CHSY1: variants seen among roughly 807,000 people sequenced by gnomAD.
CHSY1 encodes N-acetylgalactosaminyl-proteoglycan 3-beta-glucuronosyltransferase 1.
A neutral mutation model predicts 59.8 loss-of-function variants in CHSY1; 13 were observed. That is an observed-to-expected ratio of 0.22 (90% confidence interval 0.14 to 0.35). The LOEUF (loss-of-function observed/expected upper bound fraction) is 0.35. Ranked by LOEUF, CHSY1 falls within the 10% of genes least tolerant of loss-of-function variation. The pLI, the probability that CHSY1 is intolerant of heterozygous loss-of-function variation, is 1.00. For missense variants in CHSY1, 947 were observed against 1,030.6 expected (o/e 0.92, Z 1.11); for synonymous variants, 459 against 401.2 (o/e 1.14, Z -1.72).
intron 2 of CHSY1, among the ~76,000 whole-genome samples, chr15:101,232,511 G>A (rs780697396): frequency 3.3e-5 from 5 of 152,172 alleles, no homozygotes; most frequent in Non-Finnish European, 4.4e-5. Flanking sequence ...AACTACACGT[G>A]AAAGGGAACA....
intron 1 of CHSY1, among the ~76,000 whole-genome samples, chr15:101,242,822 A>G (rs1309018268): frequency 6.6e-6 from 1 of 152,164 alleles, no homozygotes; most frequent in Non-Finnish European, 1.5e-5. Context: ...ACTTCTGTGC[A>G]TGTGGTTTCC....
intron 2 of CHSY1, among the ~76,000 whole-genome samples, chr15:101,213,614 C>T (rs1489004361): frequency 6.6e-6 from 1 of 152,160 alleles, no homozygotes; most frequent in African/African-American, 2.4e-5. Context: ...CAAATGTATT[C>T]CACACAATAG....
At chr15:101,235,622 C>A in intron 1 of CHSY1, 45 bp from the exon 2 acceptor site, 1 of 1,592,520 alleles carries the variant, frequency 6.3e-7, no homozygotes, top group Non-Finnish European at 8.5e-7. Flanking sequence ...TTATTCCAAG[C>A]TGATTTTCAG....
intron 2 of CHSY1, among the ~76,000 whole-genome samples, chr15:101,227,319 T>C (rs573771249): frequency 6.6e-6 from 1 of 152,114 alleles, no homozygotes; most frequent in Non-Finnish European, 1.5e-5. Flanking sequence ...CTGGAAGACC[T>C]TGCAATGTTG....
intron 1 of CHSY1, among the ~76,000 whole-genome samples, chr15:101,237,246 A>AC (rs2038954214): frequency 1.3e-5 from 2 of 151,270 alleles, no homozygotes; most frequent in Admixed American, 6.6e-5. Flanking sequence ...AAAAAAAAAA[A>AC]AACAGAGGCA....
intron 1 of CHSY1, among the ~76,000 whole-genome samples, chr15:101,247,270 T>C (rs1455951728): frequency 6.6e-6 from 1 of 152,156 alleles, no homozygotes; most frequent in Non-Finnish European, 1.5e-5. Context: ...GACTTCCCGG[T>C]GCTTCCTTGG....
intron 2 of CHSY1, among the ~76,000 whole-genome samples, chr15:101,212,461 A>C (rs766943298): frequency 6.6e-6 from 1 of 152,264 alleles, no homozygotes; most frequent in Non-Finnish European, 1.5e-5. Flanking sequence ...CAACTGATAC[A>C]CACGACTGTA....
chr15:101,250,666 G>A (rs879589362), intron 1 of CHSY1, among the ~76,000 whole-genome samples: 12 of 152,230 alleles, frequency 7.9e-5, no homozygotes, highest in African/African-American at 2.4e-4. Flanking sequence ...CGAAATGTGA[G>A]AGTATGATGT....
intron 2 of CHSY1, among the ~76,000 whole-genome samples, chr15:101,196,490 G>A (rs1159586115): frequency 3.3e-5 from 5 of 152,094 alleles, no homozygotes; most frequent in Non-Finnish European, 7.3e-5. Flanking sequence ...AACCTATTCT[G>A]TCTACCTAGT....
chr15:101,241,821 G>A (rs2039004990), intron 1 of CHSY1, among the ~76,000 whole-genome samples: 1 of 152,138 alleles, frequency 6.6e-6, no homozygotes, highest in African/African-American at 2.4e-5. Flanking sequence ...GGAATTAAGG[G>A]TATATACAGC....
chr15:101,243,087 C>T (rs12324414), intron 1 of CHSY1, among the ~76,000 whole-genome samples: 47,722 of 152,074 alleles, frequency 0.31, 10,349 homozygotes, highest in African/African-American at 0.62. Context: ...GGATTACAGC[C>T]TCCCACTTCA....
intron 2 of CHSY1, among the ~76,000 whole-genome samples, chr15:101,207,598 C>G (rs1237003024): frequency 2.0e-5 from 3 of 151,836 alleles, no homozygotes; most frequent in Non-Finnish European, 4.4e-5. Flanking sequence ...AAGACAAGAC[C>G]CAATCTACTA....
intron 1 of CHSY1, among the ~76,000 whole-genome samples, chr15:101,249,663 G>T (rs8024450): frequency 0.27 from 41,504 of 151,690 alleles, 7,935 homozygotes; most frequent in African/African-American, 0.55. Context: ...ACAGGTGCAC[G>T]CCACCACACC....
intron 2 of CHSY1, among the ~76,000 whole-genome samples, chr15:101,222,256 T>C (rs1221644344): frequency 6.6e-6 from 1 of 152,216 alleles, no homozygotes; most frequent in Non-Finnish European, 1.5e-5. Flanking sequence ...AGTTTCCCCT[T>C]GGCATGGAGA....
At chr15:101,195,694 G>A (rs368342209) in intron 2 of CHSY1, among the ~76,000 whole-genome samples, 55 of 151,980 alleles carry the variant, frequency 3.6e-4, no homozygotes, top group East Asian at 1.5e-3. Flanking sequence ...GCGTGGTGGC[G>A]GGTGCCTGTA....
At chr15:101,242,656 G>A (rs1305310976) in intron 1 of CHSY1, 2 of 152,364 alleles carry the variant, frequency 1.3e-5, no homozygotes. Context: ...GAAAAGGGAG[G>A]GGTCTTTCAA....
intron 2 of CHSY1, among the ~76,000 whole-genome samples, chr15:101,192,419 C>T (rs1380000501): frequency 6.6e-6 from 1 of 151,956 alleles, no homozygotes; most frequent in Non-Finnish European, 1.5e-5. Context: ...ACATCCCCAT[C>T]CCTACCCCCA....
Position 101,177,949 on chromosome 15 carries a change from T to C in CHSY1, c.1848A>G (p.Val616=), listed in dbSNP as rs1388172148. The C allele has an allele frequency of 6.2e-7, 1 of 1,614,210 alleles. No homozygotes were observed. Among genetic ancestry groups the C allele is most frequent in the African/African-American group, 1.3e-5 (1 of 75,056 alleles). ...ATTCATTGTTAAACTGGGAGGATCC[T>C]ACTTCCAGGGCCAGGGCTCTTGAAA... is the stretch of plus-strand genomic sequence containing the variant. ...GEFSRALALE[V]GSSQFNNESL... The change falls in exon 3 of 3, where the codon GTA becomes GTG. Residue 616 remains valine, a synonymous_variant. Transcript: ENST00000254190.
chr15:101,229,234 CAAATTAATT>C (rs2038870333), intron 2 of CHSY1, among the ~76,000 whole-genome samples: 1 of 152,052 alleles, frequency 6.6e-6, no homozygotes, highest in Admixed American at 6.5e-5. Flanking sequence ...ATATTAAATG[CAAATTAATT>C]AAATACTCCA....
Sources: allele counts gnomAD v4.1 joint callset (sites outside exome capture counted in the v4.1 genomes callset), GRCh38; gene constraint gnomAD v4.1.1; transcripts MANE v1.5; gene names NCBI Gene and HGNC (gene_info 2026-07-23, HGNC 2026-07-21).